Variants in LCN8 observed in about 807,000 individuals in gnomAD.
LCN8 encodes epididymal-specific lipocalin-8.
A neutral mutation model predicts 22.8 loss-of-function variants in LCN8; 16 were observed. The ratio of observed to expected loss-of-function variants is 0.70; its 90% confidence interval spans 0.47 to 1.06. LCN8 has a LOEUF of 1.06. LCN8 is among the 50% of genes least tolerant of loss of function. The probability of loss-of-function intolerance (pLI) is 0.00; values close to 1 mark genes in which losing one functional copy is unlikely to be tolerated. For missense variants in LCN8, 189 were observed against 203.3 expected (o/e 0.93, Z 0.43); for synonymous variants, 92 against 83.4 (o/e 1.10, Z -0.56).
Position 136,754,400 on chromosome 9 carries a change from T to C in LCN8, c.*98A>G, listed in dbSNP as rs963578848. Reference sequence around the variant, plus strand: ...CAGGCAGTGGCTTGACTTCACAGTTTATTCAGAGCAGGTGCAGGTGACCTG... The same window carrying C: ...CAGGCAGTGGCTTGACTTCACAGTTCATTCAGAGCAGGTGCAGGTGACCTG... On this transcript the variant is annotated 3_prime_UTR_variant, in exon 7 of 7. Transcript: ENST00000371688. 1 of 1,525,162 alleles carries C rather than the reference T, an allele frequency of 6.6e-7. No homozygotes were observed. The highest frequency in any genetic ancestry group is 2.0e-5 in the Admixed American group (1 of 49,326). The allele number at this position is 1,525,162 out of a possible 1,614,324, so 94.5% of individuals were successfully genotyped here.
upstream of LCN8, chr9:136,758,320 A>C: frequency 1.8e-6 from 2 of 1,122,904 alleles, no homozygotes; most frequent in East Asian, 1.1e-4. Flanking sequence ...CCCACCCCAC[A>C]TGACACTTGT....
At chr9:136,757,867 G>T (rs766996388) in intron 1 of LCN8, 40 bp downstream of exon 1, 4 of 1,613,612 alleles carry the variant, frequency 2.5e-6, no homozygotes, top group Non-Finnish European at 3.4e-6. Context: ...AGGGGTTGGG[G>T]GTGTAGGAGG....
rs986190365 is a variant in LCN8, at chr9:136,758,148, G to A, written c.-218C>T. 1.3e-5 allele frequency: 19 copies of A among 1,439,448 alleles called. No individual in the cohort carries two copies. The highest frequency in any genetic ancestry group is 2.6e-5 in the Admixed American group (1 of 39,154). The allele number at this position is 1,439,448 out of a possible 1,614,324, so 89.2% of individuals were successfully genotyped here. ...CGTGGGTTTCTGCACAAGCGCCATCGGCCCTGGTGACACCCACGCCCACCG... is the reference window on the plus strand; with the variant it reads ...CGTGGGTTTCTGCACAAGCGCCATCAGCCCTGGTGACACCCACGCCCACCG... On this transcript the variant is annotated 5_prime_UTR_variant, in exon 1 of 7. Coordinates refer to ENST00000371688, the MANE Select transcript of LCN8 (RefSeq NM_178469.4).
chr9:136,756,955 C>T, intron 2 of LCN8, 83 bp downstream of exon 2: 1 of 1,477,780 alleles, frequency 6.8e-7, no homozygotes, highest in South Asian at 1.2e-5. Flanking sequence ...GCCCAGACCC[C>T]ACGCTGCAGC....
rs757540370 is a variant in LCN8, at chr9:136,755,241, C to T, written c.421+3G>A. Reference sequence around the variant, plus strand: ...GCCTCCACCCCAAGGCCCCTGGGCTCACCAGGCCGGGCCGCCAGGTAGAGA... The same window carrying T: ...GCCTCCACCCCAAGGCCCCTGGGCTTACCAGGCCGGGCCGCCAGGTAGAGA... On this transcript the variant is annotated splice_donor_region_variant and intron_variant, in intron 5 of 6. Transcript: ENST00000371688. The T allele has an allele frequency of 1.2e-6, 2 of 1,612,652 alleles. No homozygotes were observed. Among genetic ancestry groups the T allele is most frequent in the Non-Finnish European group, 1.7e-6 (2 of 1,179,858 alleles).
chr9:136,757,291 C>T (rs1261532828), intron 1 of LCN8, 123 bp from the exon 2 acceptor site: 8 of 1,481,592 alleles, frequency 5.4e-6, no homozygotes, highest in South Asian at 1.3e-5. Flanking sequence ...CTGTGAGGCT[C>T]GGTGGCAAAG....
chr9:136,756,778 C>T (rs1847216302), intron 2 of LCN8, among the ~76,000 whole-genome samples, 186 bp from the exon 3 acceptor site: 1 of 152,212 alleles, frequency 6.6e-6, no homozygotes. Context: ...CTGTTCCCTC[C>T]AGCCAGTCAC....
chr9:136,756,249 G>C (rs543160753), intron 3 of LCN8: 1 of 1,424,692 alleles, frequency 7.0e-7, no homozygotes, highest in African/African-American at 1.5e-5. Context: ...GGGAACGCAT[G>C]GGGAATGGCG....
chr9:136,756,369 A>G (rs749677141), intron 3 of LCN8, 153 bp downstream of exon 3: 12 of 1,584,630 alleles, frequency 7.6e-6, no homozygotes, highest in African/African-American at 1.4e-5. Flanking sequence ...GGAATAGTTC[A>G]GGGAACAGCA....
At position 136,758,056 on chromosome 9, in the gene LCN8, A is replaced by G. The variant is rs1847252413; in HGVS notation, c.-126T>C. On this transcript the variant is annotated 5_prime_UTR_variant, in exon 1 of 7. Coordinates refer to ENST00000371688, the MANE Select transcript of LCN8 (RefSeq NM_178469.4). ...CACAGCCTGGGCCGATTCTATACGG[A>G]CAGTGCAGGCTTGTGCGCCCACCCG... 2 of 1,537,984 alleles carry G rather than the reference A, an allele frequency of 1.3e-6. No individual in the cohort carries two copies. The highest frequency in any genetic ancestry group is 8.7e-7 in the Non-Finnish European group (1 of 1,143,840).
rs1423103971 is a variant in LCN8, at chr9:136,758,103, G to C, written c.-173C>G. On this transcript the variant is annotated 5_prime_UTR_variant, in exon 1 of 7. Coordinates refer to ENST00000371688, the MANE Select transcript of LCN8 (RefSeq NM_178469.4). The stretch of plus-strand genomic sequence containing the variant: ...CCCGGGAATGTCATCAGGACAGCTT[G>C]GCTGCTGGCAGCTCAGAGACGTGGG... The C allele has an allele frequency of 6.8e-7, 1 of 1,464,804 alleles. No individual in the cohort carries two copies. The highest frequency in any genetic ancestry group is 9.0e-7 in the Non-Finnish European group (1 of 1,107,308). 90.7% of individuals were successfully genotyped at this position (1,464,804 alleles called of 1,614,324 possible).
At chr9:136,757,586 T>G (rs1037289225) in intron 1 of LCN8, 67 of 1,394,018 alleles carry the variant, frequency 4.8e-5, no homozygotes, top group Non-Finnish European at 6.0e-5. Context: ...CTCGCCAGCC[T>G]GCCAACCACG....
In LCN8 at chr9:136,757,185, C is replaced by G. The variant is rs1240073974; in HGVS notation, c.25-17G>C. On this transcript the variant is annotated splice_polypyrimidine_tract_variant and intron_variant, in intron 1 of 6. Transcript: ENST00000371688. ...TCCTCCAATCTAGAGAGATACGGAG[C>G]CTGGCCAAGAGCTGAGCAGTGGGTC... The G allele has an allele frequency of 6.2e-7, 1 of 1,608,512 alleles. No individual in the cohort carries two copies. The highest frequency in any genetic ancestry group is 8.5e-7 in the Non-Finnish European group (1 of 1,177,492).
intron 6 of LCN8, 197 bp downstream of exon 6, chr9:136,754,938 C>T: frequency 7.2e-7 from 1 of 1,390,848 alleles, no homozygotes; most frequent in Non-Finnish European, 9.3e-7. Flanking sequence ...CTGGAGGTTC[C>T]AGCTCTTTCC....
Position 136,754,485 on chromosome 9 carries a change from G to T in LCN8, c.*13C>A. The T allele has an allele frequency of 6.4e-7, 1 of 1,557,310 alleles. No homozygotes were observed. The highest frequency in any genetic ancestry group is 8.7e-7 in the Non-Finnish European group (1 of 1,150,116). ...GGGCGCTCCGAACCTTGTGGTCTGA[G>T]GCAGGAACTCCATTAAATCAGCTCC... On this transcript the variant is annotated 3_prime_UTR_variant, in exon 7 of 7. Coordinates refer to ENST00000371688, the MANE Select transcript of LCN8 (RefSeq NM_178469.4).
chr9:136,755,391 G>GC lies in LCN8; in HGVS notation c.331+20dup, dbSNP rs777111839. 3.7e-6 allele frequency: 6 copies of GC among 1,610,452 alleles called. No homozygotes were observed. The African/African-American group carries it at 4.0e-5, about 11-fold the overall frequency. On this transcript the variant is annotated intron_variant, in intron 4 of 6. Coordinates refer to ENST00000371688, the MANE Select transcript of LCN8 (RefSeq NM_178469.4). ...CCTGGGAGAGCAGCAGCTGGGCAGA[G>GC]CCCCCCAGGGCCAAGCTTACTAAAG...
chr9:136,756,677 T>C (rs1437765566), intron 2 of LCN8, 85 bp from the exon 3 acceptor site: 4 of 1,568,966 alleles, frequency 2.5e-6, no homozygotes. Flanking sequence ...GCTGTGTCTT[T>C]AGGAAGGGCA....
Position 136,755,421 on chromosome 9 carries a change from T to C in LCN8, c.322A>G (p.Lys108Glu). ...CCAGGGCCAAGCTTACTAAAGTACT[T>C]GAGGACGCGAAAGTTCCTGCCCCGC... The part of the protein sequence containing the change: ...MWRGRNFRVL[K>E]YFTRSLEDKD... The change falls in exon 4 of 7, where the codon AAG becomes GAG. Residue 108 changes from lysine to glutamate, a missense_variant. Transcript: ENST00000371688. 6.2e-7 allele frequency: 1 copy of C among 1,610,866 alleles called. No homozygotes were observed. The highest frequency in any genetic ancestry group is 8.5e-7 in the Non-Finnish European group (1 of 1,179,766).
intron 2 of LCN8, 22 bp from the exon 3 acceptor site, chr9:136,756,614 A>G: frequency 1.9e-6 from 3 of 1,611,908 alleles, no homozygotes; most frequent in Non-Finnish European, 2.5e-6. Context: ...CAAAGTGCCC[A>G]TCGGTAAAAT....
Sources: allele counts gnomAD v4.1 joint callset (sites outside exome capture counted in the v4.1 genomes callset), GRCh38; gene constraint gnomAD v4.1.1; transcripts MANE v1.5; gene names NCBI Gene and HGNC (gene_info 2026-07-23, HGNC 2026-07-21).